Variants in CCDC148 observed in about 807,000 individuals in gnomAD.
The protein encoded by CCDC148 is coiled-coil domain containing 148, also known as coiled-coil domain-containing protein 148.
Under a neutral mutation model 85.7 loss-of-function variants are expected in CCDC148, and 89 were observed. That is an observed-to-expected ratio of 1.04 (90% confidence interval 0.87 to 1.24). The LOEUF is 1.24. CCDC148 is among the 50% of genes most tolerant of loss of function. CCDC148 has a pLI of 0.00. For synonymous variants in CCDC148, 230 were observed against 213.9 expected (o/e 1.08, Z -0.66); for missense variants, 692 against 671.7 (o/e 1.03, Z -0.33).
chr2:158,245,301 C>T (rs745792442), intron 10 of CCDC148, among the ~76,000 whole-genome samples: 10 of 152,154 alleles, frequency 6.6e-5, no homozygotes, highest in South Asian at 2.1e-4. Context: ...TGCCAATGTT[C>T]TACCAAAGCC....
At chr2:158,389,218 A>T (rs1027030872) in intron 1 of CCDC148, among the ~76,000 whole-genome samples, 2 of 152,194 alleles carry the variant, frequency 1.3e-5, no homozygotes, top group South Asian at 4.1e-4. Context: ...TATGAGAAAC[A>T]CGTTTGTATA....
At chr2:158,291,818 T>G (rs1053516287) in intron 9 of CCDC148, among the ~76,000 whole-genome samples, 2 of 152,230 alleles carry the variant, frequency 1.3e-5, no homozygotes, top group Admixed American at 1.3e-4. Flanking sequence ...ATTTGTTGAA[T>G]GAGTAAATGA....
chr2:158,187,005 G>A (rs1685186665), intron 11 of CCDC148, among the ~76,000 whole-genome samples: 1 of 151,898 alleles, frequency 6.6e-6, no homozygotes, highest in Non-Finnish European at 1.5e-5. Context: ...TACTAATGAA[G>A]TTGATCCTTA....
At chr2:158,282,695 C>T (rs1331463351) in intron 9 of CCDC148, among the ~76,000 whole-genome samples, 2 of 152,096 alleles carry the variant, frequency 1.3e-5, no homozygotes, top group Non-Finnish European at 2.9e-5. Flanking sequence ...TGAAAATGGC[C>T]ATACTGCCCA....
chr2:158,338,093 C>A (rs1263044208), intron 7 of CCDC148, among the ~76,000 whole-genome samples: 1 of 151,972 alleles, frequency 6.6e-6, no homozygotes. Flanking sequence ...TAAGGTAGAC[C>A]ATTGATCTAG....
chr2:158,319,626 T>C (rs1692434413), intron 7 of CCDC148, among the ~76,000 whole-genome samples: 1 of 152,212 alleles, frequency 6.6e-6, no homozygotes, highest in South Asian at 2.1e-4. Context: ...GAAATTCCTT[T>C]ATTATGTAAG....
intron 1 of CCDC148, among the ~76,000 whole-genome samples, chr2:158,427,614 A>G (rs1361105689): frequency 1.3e-5 from 2 of 152,104 alleles, no homozygotes; most frequent in Non-Finnish European, 2.9e-5. Flanking sequence ...TCATACCTAT[A>G]ATCCCAACAC....
chr2:158,195,604 CT>C (rs2105277234), intron 11 of CCDC148, among the ~76,000 whole-genome samples: 1 of 152,266 alleles, frequency 6.6e-6, no homozygotes, highest in African/African-American at 2.4e-5. Context: ...CAGAGCCTCC[CT>C]TTTTGGTCAC....
chr2:158,279,440 T>A (rs1413172544), intron 9 of CCDC148, among the ~76,000 whole-genome samples: 4 of 152,184 alleles, frequency 2.6e-5, no homozygotes, highest in Non-Finnish European at 4.4e-5. Flanking sequence ...AAGGAGCTGA[T>A]GGAGCTGAAA....
intron 10 of CCDC148, among the ~76,000 whole-genome samples, chr2:158,222,345 C>T (rs771201180): frequency 2.6e-5 from 4 of 152,126 alleles, no homozygotes; most frequent in Non-Finnish European, 4.4e-5. Flanking sequence ...CCTGTGCAGG[C>T]CCCAGGCGTA....
At chr2:158,242,664 C>T (rs1014669394) in intron 10 of CCDC148, among the ~76,000 whole-genome samples, 1 of 147,066 alleles carries the variant, frequency 6.8e-6, no homozygotes, top group African/African-American at 2.5e-5. Context: ...TCCACCATGG[C>T]TCTTCTTCAT....
At chr2:158,278,619 C>A (rs986021716) in intron 9 of CCDC148, among the ~76,000 whole-genome samples, 2 of 152,230 alleles carry the variant, frequency 1.3e-5, no homozygotes, top group African/African-American at 4.8e-5. Context: ...AACAAAGAAG[C>A]CTCAAAGCTA....
chr2:158,225,705 A>G (rs1687475733), intron 10 of CCDC148, among the ~76,000 whole-genome samples: 3 of 152,240 alleles, frequency 2.0e-5, no homozygotes. Context: ...CTGAATGACT[A>G]CTGGGTACAT....
chr2:158,187,423 T>A (rs1420076537), intron 11 of CCDC148, among the ~76,000 whole-genome samples: 1 of 151,978 alleles, frequency 6.6e-6, no homozygotes, highest in Non-Finnish European at 1.5e-5. Flanking sequence ...CATCTTTTTT[T>A]CTTTCATTCT....
intron 10 of CCDC148, among the ~76,000 whole-genome samples, chr2:158,239,215 C>T (rs1688243236): frequency 6.6e-6 from 1 of 152,044 alleles, no homozygotes; most frequent in African/African-American, 2.4e-5. Flanking sequence ...ATTCAAGATT[C>T]TTTCTCTAAA....
At chr2:158,214,032 G>A (rs1273905515) in intron 11 of CCDC148, among the ~76,000 whole-genome samples, 1 of 150,950 alleles carries the variant, frequency 6.6e-6, no homozygotes, top group Non-Finnish European at 1.5e-5. Flanking sequence ...TTACCATGAG[G>A]GCTAAGTGGC....
intron 11 of CCDC148, among the ~76,000 whole-genome samples, chr2:158,194,236 A>G (rs1685559022): frequency 6.6e-6 from 1 of 152,170 alleles, no homozygotes. Context: ...ACTGATATTT[A>G]GTATTAAACA....
At chr2:158,435,251 G>C (rs950317016) in intron 1 of CCDC148, among the ~76,000 whole-genome samples, 1 of 152,182 alleles carries the variant, frequency 6.6e-6, no homozygotes, top group African/African-American at 2.4e-5. Context: ...CCCACAAAGG[G>C]AAGCCCATCA....
rs1199622187 is a variant in CCDC148, at chr2:158,456,675, G to A, written c.-236C>T. 6.9e-6 allele frequency: 4 copies of A among 578,746 alleles called. No individual in the cohort carries two copies. The highest frequency in any genetic ancestry group is 5.9e-5 in the East Asian group (2 of 34,178). 35.9% of individuals were successfully genotyped at this position (578,746 alleles called of 1,614,324 possible). Reference sequence around the variant, plus strand: ...CCTGTCCTCTCCGCCACCCCCTCCCGCGCCCGAGACCTGAGACACCTTCTC... The same window carrying A: ...CCTGTCCTCTCCGCCACCCCCTCCCACGCCCGAGACCTGAGACACCTTCTC... On this transcript the variant is annotated 5_prime_UTR_variant, in exon 1 of 14. Coordinates refer to ENST00000283233, the MANE Select transcript of CCDC148 (RefSeq NM_138803.4).
Sources: allele counts gnomAD v4.1 joint callset (sites outside exome capture counted in the v4.1 genomes callset), GRCh38; gene constraint gnomAD v4.1.1; transcripts MANE v1.5; gene names NCBI Gene and HGNC (gene_info 2026-07-23, HGNC 2026-07-21).